The following CEP120 variants were observed in gnomAD, a reference collection of about 807,000 sequenced individuals.
The protein encoded by CEP120 is centrosomal protein of 120 kDa.
CEP120 carries 113 observed loss-of-function variants against 126.5 expected under a neutral mutation model. That is an observed-to-expected ratio of 0.89 (90% CI 0.77 to 1.04). The LOEUF is 1.04. Among genes scored for constraint, CEP120 ranks in the 50% least tolerant of loss-of-function variants. The pLI, the probability that CEP120 is intolerant of heterozygous loss-of-function variation, is 0.00. For missense variants in CEP120, 1,230 were observed against 1,155.7 expected (o/e 1.06, Z -0.93); for synonymous variants, 400 against 394.3 (o/e 1.01, Z -0.17).
chr5:123,347,360 G>A (rs1285642860), intron 19 of CEP120, among the ~76,000 whole-genome samples: 1 of 151,948 alleles, frequency 6.6e-6, no homozygotes, highest in African/African-American at 2.4e-5. Context: ...ACATTTATTT[G>A]TGCCAAACAC....
chr5:123,388,313 G>A (rs1772159316), intron 9 of CEP120, 119 bp downstream of exon 9: 1 of 615,610 alleles, frequency 1.6e-6, no homozygotes, highest in South Asian at 3.3e-5. Context: ...CCCCCTTTTA[G>A]TCCACTGATT....
At chr5:123,359,995 T>C (rs1769955086) in intron 18 of CEP120, among the ~76,000 whole-genome samples, 1 of 151,972 alleles carries the variant, frequency 6.6e-6, no homozygotes, top group African/African-American at 2.4e-5. Context: ...TAATCCGTAC[T>C]ACACAAATGT....
chr5:123,409,647 T>C (rs1312371452), intron 4 of CEP120, among the ~76,000 whole-genome samples: 1 of 152,008 alleles, frequency 6.6e-6, no homozygotes, highest in Non-Finnish European at 1.5e-5. Context: ...GTGGAAAGAA[T>C]CAACAACAAC....
intron 5 of CEP120, among the ~76,000 whole-genome samples, chr5:123,396,650 C>G (rs1242535918): frequency 2.0e-5 from 3 of 152,138 alleles, no homozygotes; most frequent in African/African-American, 7.2e-5. Flanking sequence ...ACTATCACGA[C>G]TACATAAAAT....
chr5:123,374,002 A>T (rs1771036564), intron 16 of CEP120, among the ~76,000 whole-genome samples: 1 of 152,080 alleles, frequency 6.6e-6, no homozygotes, highest in South Asian at 2.1e-4. Context: ...AATGTGAAAA[A>T]AATGAATAAT....
chr5:123,369,421 T>C (rs184931916), intron 17 of CEP120, among the ~76,000 whole-genome samples: 2 of 152,142 alleles, frequency 1.3e-5, no homozygotes, highest in African/African-American at 4.8e-5. Context: ...CTCATATTCA[T>C]ACTGTTAACT....
At chr5:123,378,589 T>C (rs1419830265) in intron 14 of CEP120, among the ~76,000 whole-genome samples, 161 bp from the exon 15 acceptor site, 1 of 152,112 alleles carries the variant, frequency 6.6e-6, no homozygotes, top group Non-Finnish European at 1.5e-5. Flanking sequence ...AATGTGCTTT[T>C]ATGAATTTGA....
intron 13 of CEP120, 67 bp from the exon 14 acceptor site, chr5:123,382,267 C>T: frequency 1.2e-6 from 1 of 834,042 alleles, no homozygotes; most frequent in Non-Finnish European, 1.9e-6. Context: ...AATCAGTTGT[C>T]AGTTAAATAA....
At position 123,383,122 on chromosome 5, in the gene CEP120, T is replaced by A. The variant is rs759254807; in HGVS notation, c.1764-40A>T. The stretch of plus-strand genomic sequence containing the variant: ...AGAAATACCTTAAAATTCACAGAAA[T>A]ACTTTATATTATTTTTCCTTTTATT... On this transcript the variant is annotated intron_variant, in intron 11 of 19. Coordinates refer to ENST00000306467, the MANE Select transcript of CEP120 (RefSeq NM_001375405.1). The A allele has an allele frequency of 2.6e-6, 3 of 1,136,568 alleles. No homozygotes were observed. In the East Asian group the frequency reaches 7.7e-5, roughly 29 times the overall value. 70.4% of individuals were successfully genotyped at this position (1,136,568 alleles called of 1,614,324 possible).
chr5:123,386,693 A>AAAAAGCC lies in CEP120; in HGVS notation c.1431-27_1431-26insGGCTTTT. On this transcript the variant is annotated intron_variant, in intron 9 of 19. Coordinates refer to ENST00000306467, the MANE Select transcript of CEP120 (RefSeq NM_001375405.1). ...CTAGAATTTAAAAAAAAAAAAAAAA[A>AAAAAGCC]AAAAAGCCTTAATGATATGGTTTAC... is the stretch of plus-strand genomic sequence containing the variant. The AAAAAGCC allele has an allele frequency of 1.5e-5, 21 of 1,419,780 alleles. No homozygotes were observed. The South Asian group carries it at 3.4e-4, about 23-fold the overall frequency. 87.9% of individuals were successfully genotyped at this position (1,419,780 alleles called of 1,614,324 possible). A position where few individuals can be genotyped will look rare whatever the true frequency, so the allele number is the denominator to read the frequency against.
At chr5:123,373,043 G>A (rs936732418) in intron 16 of CEP120, among the ~76,000 whole-genome samples, 4 of 152,016 alleles carry the variant, frequency 2.6e-5, no homozygotes, top group Non-Finnish European at 4.4e-5. Context: ...AATGTCAAAT[G>A]TAAAAGTTAC....
rs756157422 is a variant in CEP120 at position 123,391,143 on chromosome 5, A to T, written c.1005T>A (p.Ser335=). 8 of 1,614,112 alleles carry T rather than the reference A, an allele frequency of 5.0e-6. No individual in the cohort carries two copies. ...CTATGCCTTCTCTCTGCAGAGCCAC[A>T]GACACTCCCACAGTTGGGGCTAGCT... ...PVELAPTVGV[S]VALQREGIDS... is the part of the protein sequence containing the mutation. Residue 335 remains serine, a synonymous_variant, in exon 7 of 20, where the codon TCT becomes TCA. Coordinates refer to ENST00000306467, the MANE Select transcript of CEP120 (RefSeq NM_001375405.1).
rs1182201409 is a variant in CEP120 at position 123,388,504 on chromosome 5, T to C, written c.1358A>G (p.His453Arg). ...CCTTAAGTCTATTGAAAAGCAAAAATGATGTGATGTTGCTGGTACAGCAAT... is the reference window on the plus strand; with the variant it reads ...CCTTAAGTCTATTGAAAAGCAAAAACGATGTGATGTTGCTGGTACAGCAAT... ...QKIAVPATSH[H>R]FCFSIDLRSI... Residue 453 changes from histidine (H) to arginine (R), a missense_variant, in exon 9 of 20, where the codon CAT becomes CGT. Physicochemically the swap from His to Arg is conservative, Grantham distance 29. Coordinates refer to ENST00000306467, the MANE Select transcript of CEP120 (RefSeq NM_001375405.1). The C allele has an allele frequency of 6.8e-6, 11 of 1,609,942 alleles. No individual in the cohort carries two copies. The highest frequency in any genetic ancestry group is 9.3e-6 in the Non-Finnish European group (11 of 1,178,578).
intron 4 of CEP120, among the ~76,000 whole-genome samples, chr5:123,411,931 G>A (rs1415321744): frequency 1.3e-5 from 2 of 152,182 alleles, no homozygotes; most frequent in Non-Finnish European, 2.9e-5. Flanking sequence ...AAGAGAGGCT[G>A]CAAGTATGTG....
At chr5:123,367,892 C>A (rs1231881028) in intron 17 of CEP120, among the ~76,000 whole-genome samples, 1 of 151,856 alleles carries the variant, frequency 6.6e-6, no homozygotes, top group Non-Finnish European at 1.5e-5. Flanking sequence ...TAACTTGGGT[C>A]TTTCTTTTTG....
chr5:123,385,220 A>T (rs1025269904), intron 10 of CEP120, 87 bp from the exon 11 acceptor site: 2 of 1,105,040 alleles, frequency 1.8e-6, no homozygotes, highest in Non-Finnish European at 2.5e-6. Context: ...CCCTCAATGG[A>T]GTCAAAGATG....
intron 4 of CEP120, chr5:123,401,339 A>G (rs1278637897): frequency 2.5e-6 from 4 of 1,600,336 alleles, no homozygotes; most frequent in African/African-American, 2.7e-5. Flanking sequence ...GGCATCTGCA[A>G]TGGCGGCCTC....
chr5:123,403,512 C>T (rs556695242), intron 4 of CEP120, among the ~76,000 whole-genome samples: 2 of 152,202 alleles, frequency 1.3e-5, no homozygotes, highest in African/African-American at 2.4e-5. Context: ...TATAAATAAA[C>T]GAATTGAAGG....
chr5:123,384,653 G>C lies in CEP120; in HGVS notation c.1763+298C>G, dbSNP rs190071707. On this transcript the variant is annotated intron_variant, in intron 11 of 19. Coordinates refer to ENST00000306467, the MANE Select transcript of CEP120 (RefSeq NM_001375405.1). ...ATTACAAAATAAAAAAATAGATCCT[G>C]CATTTAAAATTCTCAAGCTAGAGAG... Among the ~76,000 whole-genome samples, 4 of 152,124 alleles carry C rather than the reference G, an allele frequency of 2.6e-5. No individual in the cohort carries two copies. The East Asian group carries it at 7.7e-4, about 29-fold the overall frequency.
Sources: gnomAD v4.1 joint callset for allele counts (sites outside exome capture counted in the v4.1 genomes callset) on GRCh38, gnomAD v4.1.1 for gene constraint, MANE v1.5 for transcripts, NCBI Gene and HGNC (gene_info 2026-07-23, HGNC 2026-07-21) for gene names.